FBN3: variants seen among roughly 807,000 people sequenced by gnomAD.
The protein encoded by FBN3 is fibrillin-3.
Under a neutral mutation model 330.1 loss-of-function variants are expected in FBN3, and 234 were observed. The ratio of observed to expected loss-of-function variants is 0.71; its 90% CI spans 0.64 to 0.79. The LOEUF (loss-of-function observed/expected upper bound fraction) is 0.79, where lower values mean the gene tolerates loss of function less well. FBN3 is among the 30% of genes least tolerant of loss of function. The probability of loss-of-function intolerance (pLI) is 0.00; values close to 1 mark genes in which losing one functional copy is unlikely to be tolerated. For missense variants in FBN3, 3,606 were observed against 3,886.9 expected (o/e 0.93, Z 1.92); for synonymous variants, 1,458 against 1,517.3 (o/e 0.96, Z 0.91).
intron 6 of FBN3, among the ~76,000 whole-genome samples, chr19:8,143,841 A>G (rs2083473437): frequency 6.9e-6 from 1 of 144,800 alleles, no homozygotes; most frequent in Non-Finnish European, 1.5e-5. Flanking sequence ...TAAGAGACAG[A>G]GGGTCTGGTT....
At position 8,091,449 on chromosome 19, in the gene FBN3, C is replaced by T. The variant is rs2082092655; in HGVS notation, c.6031+16G>A. Reference sequence around the variant, plus strand: ...CCCACTTCCCACCCTCTTCCCTAAGCCCTGTGTGGACTTACCAAAGCAACG... The same window carrying T: ...CCCACTTCCCACCCTCTTCCCTAAGTCCTGTGTGGACTTACCAAAGCAACG... On this transcript the variant is annotated intron_variant, in intron 48 of 63. Coordinates refer to ENST00000600128, the MANE Select transcript of FBN3 (RefSeq NM_032447.5). The T allele has an allele frequency of 1.9e-6, 3 of 1,613,706 alleles. No individual in the cohort carries two copies. Among genetic ancestry groups the T allele is most frequent in the African/African-American group, 1.3e-5 (1 of 74,902 alleles).
intron 54 of FBN3, 144 bp downstream of exon 54, chr19:8,086,933 T>C (rs1051416741): frequency 4.1e-6 from 4 of 983,444 alleles, no homozygotes; most frequent in Non-Finnish European, 5.7e-6. Flanking sequence ...CTCAAATTCC[T>C]GGGCTCAAGC....
chr19:8,091,623 G>T, intron 47 of FBN3, 33 bp from the exon 48 acceptor site: 1 of 1,610,608 alleles, frequency 6.2e-7, no homozygotes, highest in Middle Eastern at 1.7e-4. Context: ...TGGGTGGGGG[G>T]CAAGTAGGAC....
chr19:8,108,395 C>A (rs2082496438), intron 36 of FBN3, among the ~76,000 whole-genome samples, 157 bp from the exon 37 acceptor site: 1 of 152,102 alleles, frequency 6.6e-6, no homozygotes, highest in South Asian at 2.1e-4. Context: ...CCTCTTGGGG[C>A]CAAGAGACTT....
intron 38 of FBN3, among the ~76,000 whole-genome samples, chr19:8,105,279 A>G (rs1174230362): frequency 6.8e-6 from 1 of 146,520 alleles, no homozygotes; most frequent in Non-Finnish European, 1.5e-5. Context: ...TTTTTTTAAG[A>G]CAGGGTCTCG....
chr19:8,095,956 C>A lies in FBN3; in HGVS notation c.5656+8G>T. ...TTTGTGGCCAGCCTGCCACCTGAGC[C>A]GACTCACCCACACAATCCCCATTGT... On this transcript the variant is annotated splice_region_variant and intron_variant, in intron 45 of 63. Transcript: ENST00000600128. 1 of 1,587,132 alleles carries A rather than the reference C, an allele frequency of 6.3e-7. No individual in the cohort carries two copies. The highest frequency in any genetic ancestry group is 8.7e-7 in the Non-Finnish European group (1 of 1,156,042).
chr19:8,110,788 TC>T, intron 34 of FBN3, 56 bp downstream of exon 34: 1 of 1,606,054 alleles, frequency 6.2e-7, no homozygotes, highest in Admixed American at 1.7e-5. Context: ...GTGAGCCATG[TC>T]CCCTGCCCCA....
At chr19:8,076,422 A>C (rs112071796) in intron 59 of FBN3, among the ~76,000 whole-genome samples, 5,032 of 152,128 alleles carry the variant, frequency 0.033, 129 homozygotes, top group Middle Eastern at 0.065. Context: ...GATCACCTGA[A>C]GTCAGGAGTT....
intron 8 of FBN3, among the ~76,000 whole-genome samples, chr19:8,140,250 G>A (rs2083380900): frequency 6.6e-6 from 1 of 152,020 alleles, no homozygotes; most frequent in Non-Finnish European, 1.5e-5. Flanking sequence ...GATCACCTGA[G>A]GTCAAGAGTT....
In FBN3 at chr19:8,073,184, C is replaced by G. The variant is rs371456112; in HGVS notation, c.7816G>C (p.Gly2606Arg). Residue 2606 changes from glycine to arginine, a missense_variant, in exon 62 of 64, where the codon GGG becomes CGG. Coordinates refer to ENST00000600128, the MANE Select transcript of FBN3 (RefSeq NM_032447.5). ...PSGFDFDQALGGCQEVDECAG... is the reference protein window; with the variant it reads ...PSGFDFDQALRGCQEVDECAG... The stretch of plus-strand genomic sequence containing the variant: ...CACTCATCCACCTCCTGGCAGCCCC[C>G]GAGGGCCTGATCAAAGTCAAAGCCA... 6.2e-7 allele frequency: 1 copy of G among 1,613,958 alleles called. No homozygotes were observed. The highest frequency in any genetic ancestry group is 8.5e-7 in the Non-Finnish European group (1 of 1,179,972).
In FBN3 at chr19:8,123,484, G is replaced by A. The variant is rs2082903151; in HGVS notation, c.3062C>T (p.Ala1021Val). The A allele has an allele frequency of 6.2e-7, 1 of 1,613,692 alleles. No homozygotes were observed. Among genetic ancestry groups the A allele is most frequent in the Non-Finnish European group, 8.5e-7 (1 of 1,179,878 alleles). The change falls in exon 24 of 64, where the codon GCC (alanine) becomes GTC (valine). Residue 1021 changes from alanine (A) to valine (V), a missense_variant. Coordinates refer to ENST00000600128, the MANE Select transcript of FBN3 (RefSeq NM_032447.5). ...CACAGGFALD[A>V]QERNCTDIDE... ...CCTACCTGTGCAGTTCCGTTCCTGG[G>A]CATCCAGGGCGAAGCCCCCCGCACA...
rs7260602 is a variant in FBN3, at chr19:8,094,415, G to A, written c.5905+31C>T. 9.6e-3 allele frequency: 15,183 copies of A among 1,582,848 alleles called. 1,090 individuals carry two copies. The African/African-American group carries it at 0.17, about 17-fold the overall frequency. On this transcript the variant is annotated intron_variant, in intron 47 of 63. Coordinates refer to ENST00000600128, the MANE Select transcript of FBN3 (RefSeq NM_032447.5). ...TGGAGAAAGAGAGGCACTCCCTGGC[G>A]CCAGAAACGGGAGTGGGGCTGGACA...
At chr19:8,140,435 G>A (rs891698645) in intron 8 of FBN3, among the ~76,000 whole-genome samples, 1 of 152,208 alleles carries the variant, frequency 6.6e-6, no homozygotes, top group Non-Finnish European at 1.5e-5. Context: ...TTGCACTCCA[G>A]CCTGGGGGAC....
intron 59 of FBN3, among the ~76,000 whole-genome samples, chr19:8,079,817 T>A (rs2081733837): frequency 6.6e-6 from 1 of 152,116 alleles, no homozygotes; most frequent in South Asian, 2.1e-4. Context: ...CTCGAATTCC[T>A]GGCCTCAAGT....
intron 59 of FBN3, among the ~76,000 whole-genome samples, chr19:8,077,121 T>C (rs1238586068): frequency 6.6e-6 from 1 of 152,214 alleles, no homozygotes; most frequent in Non-Finnish European, 1.5e-5. Context: ...TATTTTGTTA[T>C]GGCAGCCTGA....
chr19:8,120,868 A>T (rs760008846), intron 25 of FBN3, among the ~76,000 whole-genome samples: 1 of 152,204 alleles, frequency 6.6e-6, no homozygotes, highest in Non-Finnish European at 1.5e-5. Context: ...CTGGAGCTAG[A>T]GCTCCCTGCA....
rs778154322 is a variant in FBN3, at chr19:8,126,332, C to A, written c.2570G>T (p.Arg857Leu). 2 of 1,590,296 alleles carry A rather than the reference C, an allele frequency of 1.3e-6. No homozygotes were observed. Among genetic ancestry groups the A allele is most frequent in the Non-Finnish European group, 1.7e-6 (2 of 1,170,244 alleles). ...ERCEIDPACA[R>L]GFARMTGVTC... ...GACACCCGTCATCCGGGCAAAGCCC[C>A]GGGCACAGGCAGGGTCTGCAACTGG... Residue 857 changes from arginine (R) to leucine (L), a missense_variant, in exon 21 of 64, where the codon CGG (arginine) becomes CTG (leucine). Coordinates refer to ENST00000600128, the MANE Select transcript of FBN3 (RefSeq NM_032447.5).
chr19:8,096,610 A>G lies in FBN3; in HGVS notation c.5414-41T>C. ...GCATGGTGTTCCCAGGGCTCCTACCACAGTGTTTGCCTGAGCTCTCCCTAC... is the reference window on the plus strand; with the variant it reads ...GCATGGTGTTCCCAGGGCTCCTACCGCAGTGTTTGCCTGAGCTCTCCCTAC... On this transcript the variant is annotated intron_variant, in intron 43 of 63. Transcript: ENST00000600128. This position sits in a 1 kb window ranked among gnomAD's most constrained non-coding sequence, Gnocchi z 4.6. 6.4e-7 allele frequency: 1 copy of G among 1,573,070 alleles called. No homozygotes were observed. The highest frequency in any genetic ancestry group is 8.6e-7 in the Non-Finnish European group (1 of 1,160,158).
intron 56 of FBN3, among the ~76,000 whole-genome samples, chr19:8,084,542 C>T (rs1436236409): frequency 6.6e-6 from 1 of 151,986 alleles, no homozygotes; most frequent in Non-Finnish European, 1.5e-5. Flanking sequence ...CCCACGGCCC[C>T]AAAGAGATCC....
Sources: gnomAD v4.1 joint callset for allele counts (sites outside exome capture counted in the v4.1 genomes callset) on GRCh38, gnomAD v4.1.1 for gene constraint, Gnocchi (gnomAD v3.1) non-coding constraint, MANE v1.5 for transcripts, NCBI Gene and HGNC (gene_info 2026-07-23, HGNC 2026-07-21) for gene names.